Variants in NEDD4L observed in about 807,000 individuals in gnomAD.
NEDD4L encodes E3 ubiquitin-protein ligase NEDD4-like.
A neutral mutation model predicts 148.9 loss-of-function variants in NEDD4L; 54 were observed. That is an observed-to-expected ratio of 0.36 (90% CI 0.29 to 0.45). The LOEUF (loss-of-function observed/expected upper bound fraction) is 0.45. Among genes scored for constraint, NEDD4L ranks in the 20% least tolerant of loss-of-function variants. The pLI is 1.00. For synonymous variants in NEDD4L, 433 were observed against 440.7 expected (o/e 0.98, Z 0.22); for missense variants, 856 against 1,233.8 (o/e 0.69, Z 4.59).
intron 5 of NEDD4L, among the ~76,000 whole-genome samples, chr18:58,301,221 C>T (rs1002106161): frequency 6.6e-6 from 1 of 152,150 alleles, no homozygotes; most frequent in African/African-American, 2.4e-5. Context: ...TCAGTTTAGC[C>T]CAGAGTATCT....
intron 2 of NEDD4L, among the ~76,000 whole-genome samples, chr18:58,213,347 G>A (rs796668094): frequency 1.1e-4 from 16 of 152,250 alleles, no homozygotes; most frequent in African/African-American, 3.6e-4. Flanking sequence ...GTTGAAAAAC[G>A]GCCAATTTAT....
intron 4 of NEDD4L, among the ~76,000 whole-genome samples, chr18:58,250,632 C>T (rs911362176): frequency 1.3e-5 from 2 of 152,130 alleles, no homozygotes; most frequent in Non-Finnish European, 2.9e-5. Context: ...GCTCTCTGTG[C>T]TTGTATGGTC....
intron 1 of NEDD4L, among the ~76,000 whole-genome samples, chr18:58,123,806 C>T (rs1461971496): frequency 1.3e-5 from 2 of 152,174 alleles, no homozygotes; most frequent in Non-Finnish European, 2.9e-5. Context: ...TCGCCTCCAC[C>T]TTTCCACCTG....
At position 58,089,054 on chromosome 18, in the gene NEDD4L, T is replaced by A. The variant is rs2145251943; in HGVS notation, c.48+44346T>A. Among the ~76,000 whole-genome samples the A allele has an allele frequency of 2.0e-5, 3 of 152,198 alleles. 1 individual carries two copies. The highest frequency in any genetic ancestry group is 2.0e-4 in the Admixed American group (3 of 15,288). On this transcript the variant is annotated intron_variant, in intron 1 of 30. Coordinates refer to ENST00000400345, the MANE Select transcript of NEDD4L (RefSeq NM_001144967.3). The stretch of plus-strand genomic sequence containing the variant: ...ATACCTTAGCTTTTGCTCCATAATG[T>A]GGAAGAATTGGCCTCAGAGAAAACC...
intron 14 of NEDD4L, 51 bp downstream of exon 14, chr18:58,341,220 G>A: frequency 1.9e-6 from 3 of 1,590,830 alleles, no homozygotes; most frequent in Non-Finnish European, 2.6e-6. Flanking sequence ...AAGCCGAAAT[G>A]TACATGACCG....
intron 19 of NEDD4L, among the ~76,000 whole-genome samples, chr18:58,360,352 A>G (rs775046566): frequency 2.6e-5 from 4 of 151,988 alleles, no homozygotes; most frequent in Non-Finnish European, 5.9e-5. Context: ...TCTCTTTCAC[A>G]TTGTCTGCTT....
At chr18:58,319,106 G>A (rs1015147160) in intron 6 of NEDD4L, among the ~76,000 whole-genome samples, 2 of 152,224 alleles carry the variant, frequency 1.3e-5, no homozygotes, top group African/African-American at 2.4e-5. Context: ...CAGGCTGATG[G>A]TTCCCTCTCA....
intron 5 of NEDD4L, among the ~76,000 whole-genome samples, chr18:58,311,538 C>T (rs983000044): frequency 2.0e-5 from 3 of 152,168 alleles, no homozygotes; most frequent in Non-Finnish European, 4.4e-5. Flanking sequence ...TCTGCACAGT[C>T]AGGTGCTCTC....
intron 2 of NEDD4L, among the ~76,000 whole-genome samples, chr18:58,230,944 A>G (rs774649826): frequency 3.3e-5 from 5 of 152,154 alleles, no homozygotes; most frequent in Non-Finnish European, 7.4e-5. Flanking sequence ...TAAGATTTAC[A>G]TACTTGAAAA....
chr18:58,120,677 G>C (rs2086183032), intron 1 of NEDD4L, among the ~76,000 whole-genome samples: 1 of 152,214 alleles, frequency 6.6e-6, no homozygotes, highest in Admixed American at 6.5e-5. Context: ...CTACTCGGGA[G>C]GTTGAGGCAG....
At chr18:58,236,875 T>G (rs995880656) in intron 2 of NEDD4L, among the ~76,000 whole-genome samples, 1 of 152,006 alleles carries the variant, frequency 6.6e-6, no homozygotes, top group South Asian at 2.1e-4. Flanking sequence ...AATACAATAT[T>G]AGCCCGGCAT....
At chr18:58,357,523 C>CTTA (rs1025595710) in intron 19 of NEDD4L, 2 of 616,174 alleles carry the variant, frequency 3.2e-6, no homozygotes, top group African/African-American at 3.6e-5. Flanking sequence ...AAAGGGTGGA[C>CTTA]TATAAGTATA....
chr18:58,071,104 C>T (rs978235422), intron 1 of NEDD4L, among the ~76,000 whole-genome samples: 5 of 152,020 alleles, frequency 3.3e-5, no homozygotes, highest in South Asian at 2.1e-4. Context: ...CTTGATGAAG[C>T]GCAGATGTTG....
chr18:58,314,646 G>C (rs530369262), intron 5 of NEDD4L: 1 of 152,174 alleles, frequency 6.6e-6, no homozygotes, highest in Non-Finnish European at 1.5e-5. Flanking sequence ...TAGATGAGGC[G>C]TCTCCACGTT....
intron 1 of NEDD4L, among the ~76,000 whole-genome samples, chr18:58,146,988 T>G (rs2034161087): frequency 6.6e-6 from 1 of 152,128 alleles, no homozygotes; most frequent in Non-Finnish European, 1.5e-5. Context: ...TGAGCTGGCC[T>G]CAGGACTCCG....
chr18:58,385,859 C>T (rs377111273), intron 26 of NEDD4L, among the ~76,000 whole-genome samples: 15 of 151,988 alleles, frequency 9.9e-5, no homozygotes, highest in African/African-American at 3.6e-4. Context: ...TTAAAGAGGA[C>T]GTTTTACAGA....
chr18:58,172,586 G>A (rs1212041484), intron 2 of NEDD4L, among the ~76,000 whole-genome samples: 1 of 152,216 alleles, frequency 6.6e-6, no homozygotes, highest in South Asian at 2.1e-4. Flanking sequence ...GAAAGGTTTA[G>A]TAAGTTGTAG....
Position 58,224,398 on chromosome 18 carries a change from G to A in NEDD4L, c.123-21029G>A, listed in dbSNP as rs765158449. ...CTGGGTCCAGGAGTTTATTTTGGCCGAGATCTGCCATGCTGAGTTGACAGG... is the reference window on the plus strand; with the variant it reads ...CTGGGTCCAGGAGTTTATTTTGGCCAAGATCTGCCATGCTGAGTTGACAGG... On this transcript the variant is annotated intron_variant, in intron 2 of 30. Transcript: ENST00000400345. 9.9e-5 allele frequency among the ~76,000 whole-genome samples: 15 copies of A among 152,186 alleles called. 1 individual carries two copies. Among genetic ancestry groups the A allele is most frequent in the Non-Finnish European group, 7.3e-5 (5 of 68,042 alleles).
At chr18:58,251,099 G>C (rs2047872762) in intron 4 of NEDD4L, among the ~76,000 whole-genome samples, 1 of 152,184 alleles carries the variant, frequency 6.6e-6, no homozygotes. Flanking sequence ...TCTTGGGCAA[G>C]TTACTTCACT....
Sources: gnomAD v4.1 joint callset for allele counts (sites outside exome capture counted in the v4.1 genomes callset) on GRCh38, gnomAD v4.1.1 for gene constraint, MANE v1.5 for transcripts, NCBI Gene and HGNC (gene_info 2026-07-23, HGNC 2026-07-21) for gene names.